Variants in RNF122 observed in about 807,000 individuals in gnomAD.
The protein encoded by RNF122 is ring finger protein 122.
In RNF122, 17 loss-of-function variants were observed where a neutral mutation model predicts 24.2. The observed-to-expected ratio is 0.70, with a 90% CI of 0.48 to 1.06. RNF122 has a LOEUF of 1.06. RNF122 is among the 50% of genes least tolerant of loss of function. The pLI is 0.00. For missense variants in RNF122, 168 were observed against 198.1 expected (o/e 0.85, Z 0.91); for synonymous variants, 65 against 71.8 (o/e 0.91, Z 0.48).
chr8:33,548,756 C>T lies in RNF122; in HGVS notation c.465G>A (p.Val155=). The T allele has an allele frequency of 6.2e-7, 1 of 1,607,044 alleles. No homozygotes were observed. Among genetic ancestry groups the T allele is most frequent in the Non-Finnish European group, 8.5e-7 (1 of 1,173,726 alleles). The change falls in exon 6 of 6, where the codon GTG becomes GTA. Residue 155 remains valine (V), a synonymous_variant. Transcript: ENST00000256257. The stretch of plus-strand genomic sequence containing the variant: ...GGTCTCGGTGTAGCGGCAGCACTCA[C>T]ACCAGCTCATCCAATAGAATCCCAA... ...QNIGILLDEL[V]
intron 1 of RNF122, among the ~76,000 whole-genome samples, chr8:33,561,065 A>G (rs2128840304): frequency 6.6e-6 from 1 of 152,080 alleles, no homozygotes; most frequent in Non-Finnish European, 1.5e-5. Context: ...GCACATTCTC[A>G]TGCTATCAAT....
At chr8:33,556,187 A>AAAAAAAG (rs1810449654) in intron 2 of RNF122, among the ~76,000 whole-genome samples, 1 of 149,416 alleles carries the variant, frequency 6.7e-6, no homozygotes, top group African/African-American at 2.5e-5. Context: ...CTCAAAAAAA[A>AAAAAAAG]AAAAAAAAAA....
At chr8:33,554,440 C>G (rs186762204) in intron 2 of RNF122, among the ~76,000 whole-genome samples, 1 of 152,156 alleles carries the variant, frequency 6.6e-6, no homozygotes, top group Admixed American at 6.5e-5. Flanking sequence ...CTGGCTGGAT[C>G]CTTTAGTGGT....
At chr8:33,549,225 A>T (rs1413452886) in intron 5 of RNF122, among the ~76,000 whole-genome samples, 185 bp downstream of exon 5, 1 of 152,036 alleles carries the variant, frequency 6.6e-6, no homozygotes, top group East Asian at 1.9e-4. Context: ...CCAACTCAAA[A>T]AAAAAAGAAG....
At chr8:33,553,593 A>G (rs1286929917) in intron 2 of RNF122, among the ~76,000 whole-genome samples, 4 of 152,192 alleles carry the variant, frequency 2.6e-5, no homozygotes, top group Non-Finnish European at 5.9e-5. Context: ...TAAATAAATA[A>G]TTAAAATAAA....
intron 2 of RNF122, 110 bp from the exon 3 acceptor site, chr8:33,551,499 G>T: frequency 9.6e-7 from 1 of 1,042,574 alleles, no homozygotes; most frequent in Non-Finnish European, 1.5e-6. Context: ...AGGGGTGCTT[G>T]TCCCATACAC....
chr8:33,555,857 T>A, intron 2 of RNF122, among the ~76,000 whole-genome samples: 1 of 152,086 alleles, frequency 6.6e-6, no homozygotes. Context: ...GCCTGGCCTA[T>A]GGAAAGCCCT....
At chr8:33,562,661 C>T (rs371288180) in intron 1 of RNF122, among the ~76,000 whole-genome samples, 3 of 152,210 alleles carry the variant, frequency 2.0e-5, no homozygotes, top group East Asian at 1.9e-4. Context: ...CAGTGACTCA[C>T]GCCTGTAATC....
intron 2 of RNF122, among the ~76,000 whole-genome samples, chr8:33,552,270 A>G (rs1810387070): frequency 2.0e-5 from 3 of 152,120 alleles, no homozygotes; most frequent in Admixed American, 2.0e-4. Flanking sequence ...GTGGTGGTGC[A>G]TGCCTGTAAT....
chr8:33,550,523 G>A (rs1054626968), intron 4 of RNF122, among the ~76,000 whole-genome samples: 1 of 151,376 alleles, frequency 6.6e-6, no homozygotes, highest in Non-Finnish European at 1.5e-5. Flanking sequence ...AATAGGATAT[G>A]ACTAATTCCT....
intron 1 of RNF122, among the ~76,000 whole-genome samples, chr8:33,561,867 T>A (rs963348838): frequency 6.6e-6 from 1 of 152,090 alleles, no homozygotes; most frequent in African/African-American, 2.4e-5. Context: ...CGTTTTGATC[T>A]TGTATTTTAC....
chr8:33,566,922 A>G lies in RNF122; in HGVS notation c.-199T>C. On this transcript the variant is annotated 5_prime_UTR_variant, in exon 1 of 6. Transcript: ENST00000256257. ...GTGTTCAGCCCAACAAAGAGGGACG[A>G]GGAGGAAACAAACAAAGTCCCGCGG... is the stretch of plus-strand genomic sequence containing the variant. 3.2e-6 allele frequency: 2 copies of G among 623,576 alleles called. No individual in the cohort carries two copies. The highest frequency in any genetic ancestry group is 5.7e-6 in the Non-Finnish European group (2 of 348,750). The allele number at this position is 623,576 out of a possible 1,614,324, so 38.6% of individuals were successfully genotyped here. A position where few individuals can be genotyped will look rare whatever the true frequency, so the allele number is the denominator to read the frequency against.
rs35370120 is a variant in RNF122, at chr8:33,547,980, CAAAAAAAAAAAAA to C, written c.*760_*772del. ...CCCCCATCCCCACACCCCTTTTGATCAAAAAAAAAAAAAAAAAAAAAAAAAAGGCCCCTGGGAA... is the reference window on the plus strand; with the variant it reads ...CCCCCATCCCCACACCCCTTTTGATCAAAAAAAAAAAAAGGCCCCTGGGAA... On this transcript the variant is annotated 3_prime_UTR_variant, in exon 6 of 6. Coordinates refer to ENST00000256257, the MANE Select transcript of RNF122 (RefSeq NM_024787.3). 7.9e-5 allele frequency: 3 copies of C among 37,854 alleles called. No homozygotes were observed. The Admixed American group carries it at 1.4e-3, about 18-fold the overall frequency. The allele number at this position is 37,854 out of a possible 1,614,324, so 2.3% of individuals were successfully genotyped here.
rs1212488068 is a variant in RNF122 at position 33,549,439 on chromosome 8, C to G, written c.324G>C (p.Val108=). ...GGTGAAAGGCGTGTTGGCACGGGAG[C>G]ACGCCTAACTCATCCTTCCCCTTGA... The part of the protein sequence containing the change: ...EDFKGKDELG[V]LPCQHAFHRK... The change falls in exon 5 of 6, where the codon GTG becomes GTC. Residue 108 remains valine, a synonymous_variant. Coordinates refer to ENST00000256257, the MANE Select transcript of RNF122 (RefSeq NM_024787.3). The G allele has an allele frequency of 6.2e-7, 1 of 1,614,022 alleles. No individual in the cohort carries two copies. Among genetic ancestry groups the G allele is most frequent in the African/African-American group, 1.3e-5 (1 of 74,928 alleles).
intron 1 of RNF122, among the ~76,000 whole-genome samples, chr8:33,561,821 C>T (rs1810544003): frequency 6.6e-6 from 1 of 152,156 alleles, no homozygotes; most frequent in African/African-American, 2.4e-5. Context: ...GCTGGGATTA[C>T]AGCGCATAAG....
At chr8:33,554,903 AC>A (rs1278430528) in intron 2 of RNF122, among the ~76,000 whole-genome samples, 1 of 152,194 alleles carries the variant, frequency 6.6e-6, no homozygotes, top group Non-Finnish European at 1.5e-5. Flanking sequence ...CGCTGAGCTC[AC>A]CAGGTCAGAA....
intron 2 of RNF122, among the ~76,000 whole-genome samples, chr8:33,553,044 C>T (rs1300983453): frequency 7.1e-6 from 1 of 141,132 alleles, no homozygotes; most frequent in Admixed American, 7.6e-5. Context: ...GCACTCCAGC[C>T]TGGGTGACAG....
intron 3 of RNF122, 30 bp downstream of exon 3, chr8:33,551,314 G>C (rs749840513): frequency 1.2e-6 from 2 of 1,613,390 alleles, no homozygotes; most frequent in Non-Finnish European, 1.7e-6. Flanking sequence ...GGCAGAGAAG[G>C]AAGCTTCTGG....
chr8:33,553,956 C>G (rs1353959238), intron 2 of RNF122, among the ~76,000 whole-genome samples: 1 of 152,218 alleles, frequency 6.6e-6, no homozygotes, highest in Non-Finnish European at 1.5e-5. Context: ...AATATCCTTT[C>G]TGCTTAAGGC....
Sources: gnomAD v4.1 joint callset for allele counts (sites outside exome capture counted in the v4.1 genomes callset) on GRCh38, gnomAD v4.1.1 for gene constraint, MANE v1.5 for transcripts, NCBI Gene and HGNC (gene_info 2026-07-23, HGNC 2026-07-21) for gene names.